ORC4: variants seen among roughly 807,000 people sequenced by gnomAD.
ORC4 encodes origin recognition complex subunit 4, also known as origin recognition complex, subunit 4 homolog.
ORC4 carries 55 observed loss-of-function variants against 63.9 expected under a neutral mutation model. That is an observed-to-expected ratio of 0.86 (90% CI 0.69 to 1.08). The LOEUF (loss-of-function observed/expected upper bound fraction) is 1.08, where lower values mean the gene tolerates loss of function less well. Ranked by LOEUF, ORC4 falls within the 50% of genes least tolerant of loss-of-function variation. The pLI, the probability that ORC4 is intolerant of heterozygous loss-of-function variation, is 0.00. For synonymous variants in ORC4, 150 were observed against 168.5 expected (o/e 0.89, Z 0.85); for missense variants, 511 against 504.4 (o/e 1.01, Z -0.13).
intron 1 of ORC4, among the ~76,000 whole-genome samples, chr2:147,979,345 T>A (rs1690735157): frequency 1.3e-5 from 2 of 152,090 alleles, no homozygotes; most frequent in Non-Finnish European, 2.9e-5. Flanking sequence ...CAGTCCTAAT[T>A]ACAATAGCAT....
chr2:148,012,948 G>A (rs1693061225), intron 1 of ORC4, among the ~76,000 whole-genome samples: 2 of 152,180 alleles, frequency 1.3e-5, no homozygotes, highest in Non-Finnish European at 2.9e-5. Context: ...ATCAGATGCT[G>A]GTGAGAATGT....
At chr2:148,015,112 A>AG (rs1693193274) in intron 1 of ORC4, among the ~76,000 whole-genome samples, 1 of 151,340 alleles carries the variant, frequency 6.6e-6, no homozygotes, top group African/African-American at 2.4e-5. Flanking sequence ...CTTGACTAGG[A>AG]GAAAAAAAAA....
In ORC4 at chr2:147,952,317, T is replaced by C. The variant is rs1573773200; in HGVS notation, c.588+56A>G. On this transcript the variant is annotated intron_variant, in intron 8 of 13. Coordinates refer to ENST00000392857, the MANE Select transcript of ORC4 (RefSeq NM_181741.4). ...GAAAAAAACTAGCAGTGTCAGCAAT[T>C]AAGCTTGAATTTTAAAATATTATAA... The C allele has an allele frequency of 1.0e-5, 14 of 1,343,094 alleles. No homozygotes were observed. In the East Asian group the frequency reaches 3.5e-4, roughly 33 times the overall value. 83.2% of individuals were successfully genotyped at this position (1,343,094 alleles called of 1,614,324 possible). A position where few individuals can be genotyped will look rare whatever the true frequency, so the allele number is the denominator to read the frequency against.
intron 1 of ORC4, among the ~76,000 whole-genome samples, chr2:148,007,628 A>G (rs1429927317): frequency 6.6e-6 from 1 of 152,248 alleles, no homozygotes; most frequent in Non-Finnish European, 1.5e-5. Context: ...GAGGGCTTAC[A>G]GAAAGAGATT....
chr2:147,959,623 T>C (rs1689469889), intron 4 of ORC4, among the ~76,000 whole-genome samples: 1 of 152,150 alleles, frequency 6.6e-6, no homozygotes, highest in Admixed American at 6.5e-5. Context: ...AATATGCTAC[T>C]TATTTGTCAT....
chr2:147,953,600 A>C (rs1420075115), intron 7 of ORC4, among the ~76,000 whole-genome samples: 3 of 152,210 alleles, frequency 2.0e-5, no homozygotes, highest in Non-Finnish European at 4.4e-5. Flanking sequence ...TTTTATAAAC[A>C]AACTTGTAGA....
intron 10 of ORC4, among the ~76,000 whole-genome samples, chr2:147,940,932 C>T (rs993583772): frequency 6.6e-6 from 1 of 152,030 alleles, no homozygotes; most frequent in Non-Finnish European, 1.5e-5. Context: ...CCATCTCCTC[C>T]GGATTGGACT....
chr2:148,019,964 C>G (rs972005069), intron 1 of ORC4, among the ~76,000 whole-genome samples: 1 of 152,162 alleles, frequency 6.6e-6, no homozygotes, highest in Non-Finnish European at 1.5e-5. Flanking sequence ...CCTTTTAAAA[C>G]TCTCATCTAC....
intron 4 of ORC4, among the ~76,000 whole-genome samples, chr2:147,966,792 A>G (rs1401251367): frequency 1.3e-5 from 2 of 152,144 alleles, no homozygotes; most frequent in African/African-American, 4.8e-5. Flanking sequence ...ATTAATGCCA[A>G]TTCTTCTAAA....
At chr2:147,939,276 T>C in intron 10 of ORC4, 28 bp from the exon 11 acceptor site, 1 of 1,421,264 alleles carries the variant, frequency 7.0e-7, no homozygotes, top group South Asian at 1.1e-5. Flanking sequence ...AGAAAAACAA[T>C]TACGTATTTA....
intron 8 of ORC4, among the ~76,000 whole-genome samples, chr2:147,949,354 AC>A (rs1688829888): frequency 6.6e-6 from 1 of 152,120 alleles, no homozygotes; most frequent in Admixed American, 6.6e-5. Context: ...ACAAAACTAT[AC>A]GTTGTATGAT....
intron 1 of ORC4, among the ~76,000 whole-genome samples, chr2:148,018,499 A>G (rs1693454728): frequency 6.6e-6 from 1 of 152,228 alleles, no homozygotes; most frequent in Non-Finnish European, 1.5e-5. Context: ...CATAACTACT[A>G]AAAACGGAAC....
chr2:147,962,892 G>C (rs973610980), intron 4 of ORC4, among the ~76,000 whole-genome samples: 1 of 152,050 alleles, frequency 6.6e-6, no homozygotes, highest in African/African-American at 2.4e-5. Context: ...CCCCTGGCAG[G>C]CATGCCCCCA....
chr2:147,981,534 CAG>C (rs1337913177), intron 1 of ORC4, among the ~76,000 whole-genome samples: 4 of 152,146 alleles, frequency 2.6e-5, no homozygotes, highest in Non-Finnish European at 5.9e-5. Context: ...GAACCTCTAA[CAG>C]GGGAACTCAT....
intron 1 of ORC4, among the ~76,000 whole-genome samples, chr2:147,984,030 C>T (rs539034019): frequency 2.0e-5 from 3 of 152,276 alleles, no homozygotes; most frequent in Non-Finnish European, 4.4e-5. Context: ...ACTTCTTTTA[C>T]GACATGGACC....
At chr2:147,953,741 C>G (rs1235037923) in intron 7 of ORC4, among the ~76,000 whole-genome samples, 1 of 152,160 alleles carries the variant, frequency 6.6e-6, no homozygotes, top group Non-Finnish European at 1.5e-5. Flanking sequence ...ATAATGGAAA[C>G]AACTTTAGTA....
intron 1 of ORC4, among the ~76,000 whole-genome samples, chr2:147,998,805 G>T (rs138484818): frequency 4.1e-4 from 62 of 152,222 alleles, no homozygotes; most frequent in Non-Finnish European, 6.8e-4. Flanking sequence ...TTTATTGGAG[G>T]TGAGGAGAGA....
rs545936015 is a variant in ORC4, at chr2:147,963,931, CA to C, written c.226-5066del. On this transcript the variant is annotated intron_variant, in intron 4 of 13. Transcript: ENST00000392857. ...AGGCCAATGAACCACATCAAACTGA[CA>C]CCTCGAGACACATTGACACAAATCA... 2.6e-5 allele frequency among the ~76,000 whole-genome samples: 4 copies of C among 152,264 alleles called. No individual in the cohort carries two copies. In the South Asian group the frequency reaches 8.3e-4, roughly 32 times the overall value.
chr2:147,967,483 G>T (rs1249870915), intron 4 of ORC4, among the ~76,000 whole-genome samples: 1 of 151,600 alleles, frequency 6.6e-6, no homozygotes, highest in Non-Finnish European at 1.5e-5. Context: ...AGTACTGTTT[G>T]TATATACTAA....
Sources: allele counts gnomAD v4.1 joint callset (sites outside exome capture counted in the v4.1 genomes callset), GRCh38; gene constraint gnomAD v4.1.1; transcripts MANE v1.5; gene names NCBI Gene and HGNC (gene_info 2026-07-23, HGNC 2026-07-21).